Variants in SPG7 observed in about 807,000 individuals in gnomAD.
SPG7 encodes the protein SPG7 matrix AAA peptidase subunit, paraplegin, also known as mitochondrial inner membrane m-AAA protease component paraplegin.
Under a neutral mutation model 81.9 loss-of-function variants are expected in SPG7, and 103 were observed. The ratio of observed to expected loss-of-function variants is 1.26; its 90% CI spans 1.07 to 1.48. SPG7 has a LOEUF of 1.48. SPG7 is among the 40% of genes most tolerant of loss of function. SPG7 has a pLI of 0.00. For missense variants in SPG7, 1,241 were observed against 1,087.3 expected, an observed-to-expected ratio of 1.14 and a Z score of -1.99; for synonymous variants, 534 against 444.2, an observed-to-expected ratio of 1.20 and a Z score of -2.54.
intron 3 of SPG7, chr16:89,517,355 G>A (rs1213623459): frequency 2.0e-5 from 3 of 152,222 alleles, no homozygotes; most frequent in South Asian, 4.1e-4. Flanking sequence ...CCGTTGTCAT[G>A]GTTCCTGGAA....
intron 5 of SPG7, 185 bp from the exon 6 acceptor site, chr16:89,529,292 C>A: frequency 1.6e-6 from 1 of 633,400 alleles, no homozygotes; most frequent in Non-Finnish European, 2.9e-6. Flanking sequence ...CATGAAAAAG[C>A]ACAGTCAGCG....
chr16:89,508,844 A>T lies in SPG7; in HGVS notation c.183+244A>T, dbSNP rs1471623564. 5.9e-6 allele frequency: 4 copies of T among 674,812 alleles called. No individual in the cohort carries two copies. The East Asian group carries it at 1.1e-4, about 19-fold the overall frequency. The allele number at this position is 674,812 out of a possible 1,614,324, so 41.8% of individuals were successfully genotyped here. A position where few individuals can be genotyped will look rare whatever the true frequency, so the allele number is the denominator to read the frequency against. On this transcript the variant is annotated intron_variant, in intron 1 of 16. Coordinates refer to ENST00000645818, the MANE Select transcript of SPG7 (RefSeq NM_003119.4). ...CGCAGTCCTCGGCGTGGACTTTCCC[A>T]ACCCGTCTGTTGTGTGTGGATGTTC... is the stretch of plus-strand genomic sequence containing the variant.
intron 3 of SPG7, among the ~76,000 whole-genome samples, chr16:89,513,569 G>T (rs1410840681): frequency 6.6e-6 from 1 of 151,692 alleles, no homozygotes; most frequent in East Asian, 1.9e-4. Flanking sequence ...TATACAGAAA[G>T]AAAAGAAGAA....
intron 13 of SPG7, 149 bp downstream of exon 13, chr16:89,550,758 G>A (rs1487748310): frequency 4.4e-6 from 3 of 688,692 alleles, no homozygotes; most frequent in Admixed American, 2.0e-5. Flanking sequence ...TGAGAGGAAA[G>A]CCTGCCACTG....
At chr16:89,556,688 C>T (rs770651950) in intron 16 of SPG7, 199 bp from the exon 17 acceptor site, 13 of 606,784 alleles carry the variant, frequency 2.1e-5, no homozygotes, top group Non-Finnish European at 3.0e-5. Flanking sequence ...GGCTGGCCGC[C>T]GGAAAATCAT....
At chr16:89,531,074 C>T (rs1254291398) in intron 7 of SPG7, 2 of 564,062 alleles carry the variant, frequency 3.5e-6, no homozygotes, top group Non-Finnish European at 6.4e-6. Flanking sequence ...TCATCCCTTG[C>T]AAAGCTCTGT....
At chr16:89,528,204 C>G (rs1477619121) in intron 5 of SPG7, among the ~76,000 whole-genome samples, 1 of 151,826 alleles carries the variant, frequency 6.6e-6, no homozygotes, top group Non-Finnish European at 1.5e-5. Context: ...TCCTGGCTAA[C>G]ACGACGAAAC....
At chr16:89,527,464 T>C (rs2058279967) in intron 5 of SPG7, 1 of 152,200 alleles carries the variant, frequency 6.6e-6, no homozygotes, top group East Asian at 1.9e-4. Context: ...TATTTTGTTT[T>C]CAAAAGTAAG....
At chr16:89,524,542 C>A (rs1416983304) in intron 4 of SPG7, among the ~76,000 whole-genome samples, 15 of 152,208 alleles carry the variant, frequency 9.9e-5, no homozygotes, top group Admixed American at 9.8e-4. Context: ...CTCCCGAGTT[C>A]AAGGGATTCT....
At chr16:89,525,369 G>C (rs1282378171) in intron 4 of SPG7, among the ~76,000 whole-genome samples, 1 of 152,232 alleles carries the variant, frequency 6.6e-6, no homozygotes, top group Non-Finnish European at 1.5e-5. Flanking sequence ...GTGGATGCCT[G>C]ATTATTTCAG....
chr16:89,509,267 A>G (rs2057978992), intron 1 of SPG7, among the ~76,000 whole-genome samples: 1 of 151,686 alleles, frequency 6.6e-6, no homozygotes, highest in Non-Finnish European at 1.5e-5. Flanking sequence ...TTTTTCGGTT[A>G]TTTTTGAGAC....
At position 89,540,776 on chromosome 16, in the gene SPG7, A is replaced by T. The variant is rs2058484432; in HGVS notation, c.1325-3872A>T. On this transcript the variant is annotated intron_variant, in intron 9 of 16. Transcript: ENST00000645818. The stretch of plus-strand genomic sequence containing the variant: ...CCCCGTGTCCACATGCGCTCACCAC[A>T]TGACCCCGCATCCACCCTCCTGGGT... The T allele has an allele frequency of 1.0e-5, 5 of 490,476 alleles. No homozygotes were observed. In the South Asian group the frequency reaches 4.4e-4, roughly 43 times the overall value. The allele number at this position is 490,476 out of a possible 1,614,324, so 30.4% of individuals were successfully genotyped here.
At chr16:89,534,148 C>G (rs1338736840) in intron 9 of SPG7, among the ~76,000 whole-genome samples, 4 of 152,226 alleles carry the variant, frequency 2.6e-5, no homozygotes, top group Non-Finnish European at 4.4e-5. Flanking sequence ...AAACCTGTCC[C>G]CATTCAACCC....
intron 9 of SPG7, 136 bp downstream of exon 9, chr16:89,532,772 GA>G (rs11403793): frequency 0.011 from 8,752 of 794,144 alleles, no homozygotes; most frequent in Non-Finnish European, 0.013. Flanking sequence ...TCTGTCTCAA[GA>G]AAAAAAAAAA....
At chr16:89,520,381 T>G (rs1332927228) in intron 3 of SPG7, 1 of 172,636 alleles carries the variant, frequency 5.8e-6, no homozygotes, top group East Asian at 1.8e-4. Flanking sequence ...CTAGAGTGCT[T>G]TTGTTTGTTT....
At chr16:89,540,562 G>C (rs2058481308) in intron 9 of SPG7, 1 of 152,282 alleles carries the variant, frequency 6.6e-6, no homozygotes, top group Admixed American at 6.6e-5. Context: ...CTCCAGCCTG[G>C]GCAACAGGGC....
At chr16:89,543,481 A>C (rs1388077875) in intron 9 of SPG7, 1 of 150,794 alleles carries the variant, frequency 6.6e-6, no homozygotes, top group East Asian at 2.0e-4. Context: ...AGCCAGGATT[A>C]CAGGCATGCG....
intron 1 of SPG7, among the ~76,000 whole-genome samples, chr16:89,509,474 C>T (rs1191118086): frequency 2.3e-4 from 35 of 152,208 alleles, no homozygotes; most frequent in African/African-American, 8.4e-4. Context: ...TGGTCTCCAT[C>T]TCTTGACCTT....
At chr16:89,540,392 G>C (rs558336366) in intron 9 of SPG7, 2 of 152,172 alleles carry the variant, frequency 1.3e-5, no homozygotes, top group South Asian at 2.1e-4. Flanking sequence ...TTTGAAACCA[G>C]CCTGAGCAAC....
Sources: allele counts gnomAD v4.1 joint callset (sites outside exome capture counted in the v4.1 genomes callset), GRCh38; gene constraint gnomAD v4.1.1; transcripts MANE v1.5; gene names NCBI Gene and HGNC (gene_info 2026-07-23, HGNC 2026-07-21).